MRPL13: variants seen among roughly 807,000 people sequenced by gnomAD.
The protein encoded by MRPL13 is mitochondrial ribosomal protein L13.
MRPL13 carries 33 observed loss-of-function variants against 29.0 expected under a neutral mutation model. The ratio of observed to expected loss-of-function variants is 1.14; its 90% CI spans 0.86 to 1.52. The LOEUF (loss-of-function observed/expected upper bound fraction) is 1.52. Ranked by LOEUF, MRPL13 falls within the 40% of genes most tolerant of loss-of-function variation. The pLI, the probability that MRPL13 is intolerant of heterozygous loss-of-function variation, is 0.00. For missense variants in MRPL13, 227 were observed against 216.7 expected (o/e 1.05, Z -0.30); for synonymous variants, 77 against 68.4 (o/e 1.13, Z -0.62).
intron 6 of MRPL13, among the ~76,000 whole-genome samples, chr8:120,405,462 G>A (rs899768053): frequency 6.6e-6 from 1 of 152,158 alleles, no homozygotes; most frequent in African/African-American, 2.4e-5. Context: ...TCACGATTTG[G>A]CAATCCTAAC....
chr8:120,404,230 A>C (rs1481159663), intron 6 of MRPL13, among the ~76,000 whole-genome samples: 1 of 152,220 alleles, frequency 6.6e-6, no homozygotes, highest in African/African-American at 2.4e-5. Flanking sequence ...AAGAAATCTA[A>C]GTTAATGCCC....
chr8:120,439,512 C>T (rs1813093058), intron 2 of MRPL13, among the ~76,000 whole-genome samples: 2 of 152,204 alleles, frequency 1.3e-5, no homozygotes, highest in South Asian at 4.1e-4. Context: ...AGGAACCTAA[C>T]TCCGTATTTC....
intron 6 of MRPL13, among the ~76,000 whole-genome samples, chr8:120,409,579 A>T (rs1186966671): frequency 6.6e-6 from 1 of 152,210 alleles, no homozygotes; most frequent in Non-Finnish European, 1.5e-5. Flanking sequence ...AAAAGAAAAA[A>T]AATCTAAGTA....
intron 3 of MRPL13, among the ~76,000 whole-genome samples, chr8:120,429,883 T>C (rs1586925854): frequency 6.6e-6 from 1 of 152,212 alleles, no homozygotes; most frequent in Non-Finnish European, 1.5e-5. Context: ...GTAAATGCTA[T>C]GTAAATAGTT....
intron 2 of MRPL13, among the ~76,000 whole-genome samples, chr8:120,436,236 A>C (rs2130483636): frequency 6.6e-6 from 1 of 152,244 alleles, no homozygotes; most frequent in African/African-American, 2.4e-5. Context: ...GCTCATGTTT[A>C]GTTTTAGAAG....
intron 6 of MRPL13, among the ~76,000 whole-genome samples, chr8:120,405,742 G>A (rs1812658957): frequency 6.6e-6 from 1 of 152,068 alleles, no homozygotes; most frequent in South Asian, 2.1e-4. Context: ...TTTAAAAGTT[G>A]GTAACCCATA....
chr8:120,420,203 GAAT>G (rs1812853777), intron 4 of MRPL13, among the ~76,000 whole-genome samples: 1 of 151,412 alleles, frequency 6.6e-6, no homozygotes, highest in South Asian at 2.1e-4. Context: ...ATTTTAGATA[GAAT>G]AATTATCATT....
At chr8:120,420,603 A>G (rs1183557944) in intron 4 of MRPL13, among the ~76,000 whole-genome samples, 1 of 151,346 alleles carries the variant, frequency 6.6e-6, no homozygotes, top group African/African-American at 2.4e-5. Context: ...GCTAGTGGCT[A>G]CCATGTTTGA....
chr8:120,427,397 A>G (rs1812941857), intron 3 of MRPL13, among the ~76,000 whole-genome samples: 1 of 152,168 alleles, frequency 6.6e-6, no homozygotes, highest in Non-Finnish European at 1.5e-5. Flanking sequence ...ATATCAAAAC[A>G]CATTACACTT....
At position 120,445,083 on chromosome 8, in the gene MRPL13, G is replaced by A. The variant is rs775560736; in HGVS notation, c.12C>T (p.Phe4=). 5.0e-6 allele frequency: 8 copies of A among 1,613,832 alleles called. No homozygotes were observed. The East Asian group carries it at 1.3e-4, about 27-fold the overall frequency. ...CCGAGCTCACCTGGGGCGCCCTAGA[G>A]AAACTCGACATATTCCTCTACTAGC... MSS[F]SRAPQQWATF... is the part of the protein sequence containing the mutation. The change falls in exon 1 of 7, where the codon TTC becomes TTT. Residue 4 remains phenylalanine, a synonymous_variant. Transcript: ENST00000306185.
intron 5 of MRPL13, among the ~76,000 whole-genome samples, chr8:120,418,176 TTTCAC>T (rs1812827123): frequency 6.6e-6 from 1 of 151,920 alleles, no homozygotes; most frequent in Admixed American, 6.6e-5. Context: ...CCTTGTTTGT[TTTCAC>T]TTAACAATAT....
chr8:120,398,462 A>G (rs1306437864), intron 6 of MRPL13, among the ~76,000 whole-genome samples: 1 of 152,204 alleles, frequency 6.6e-6, no homozygotes, highest in African/African-American at 2.4e-5. Context: ...CAACAACAAC[A>G]TCAACAAAAA....
At chr8:120,396,455 A>AATCTTTTAAGTAATCTTAAAG (rs1812525756) in intron 6 of MRPL13, among the ~76,000 whole-genome samples, 1 of 152,198 alleles carries the variant, frequency 6.6e-6, no homozygotes, top group African/African-American at 2.4e-5. Context: ...AAAGATTACT[A>AATCTTTTAAGTAATCTTAAAG]TAATCTTTAA....
At chr8:120,434,160 T>C (rs1170295466) in intron 2 of MRPL13, among the ~76,000 whole-genome samples, 3 of 152,094 alleles carry the variant, frequency 2.0e-5, no homozygotes. Context: ...TCAGATAGGT[T>C]ACACCATCAG....
chr8:120,402,116 C>T (rs1241145773), intron 6 of MRPL13, among the ~76,000 whole-genome samples: 2 of 152,162 alleles, frequency 1.3e-5, no homozygotes, highest in Non-Finnish European at 2.9e-5. Context: ...CATTAAGCTA[C>T]CATTGACATT....
chr8:120,443,617 C>CTT (rs80023422), intron 1 of MRPL13, among the ~76,000 whole-genome samples: 5 of 137,196 alleles, frequency 3.6e-5, no homozygotes, highest in African/African-American at 7.9e-5. Flanking sequence ...TACGGTATGA[C>CTT]TTTTTTTTTT....
Position 120,443,291 on chromosome 8 carries a change from A to G in MRPL13, c.45T>C (p.Ala15=). The part of the protein sequence containing the change: ...SRAPQQWATF[A]RIWYLLDGKM... ...TCCCATCTAAGAGATACCATATTCT[A>G]GCAAAAGTGGCCCATTGCTTGGGGG... is the stretch of plus-strand genomic sequence containing the variant. The change falls in exon 2 of 7, where the codon GCT becomes GCC. Residue 15 remains alanine (A), a synonymous_variant. Coordinates refer to ENST00000306185, the MANE Select transcript of MRPL13 (RefSeq NM_014078.6). 6.3e-7 allele frequency: 1 copy of G among 1,588,188 alleles called. No individual in the cohort carries two copies. The highest frequency in any genetic ancestry group is 1.2e-5 in the South Asian group (1 of 85,578).
chr8:120,432,042 G>T lies in MRPL13; in HGVS notation c.233C>A (p.Ser78Tyr). The T allele has an allele frequency of 6.2e-7, 1 of 1,601,576 alleles. No individual in the cohort carries two copies. Residue 78 changes from serine to tyrosine, a missense_variant, in exon 3 of 7, where the codon TCT becomes TAT. Coordinates refer to ENST00000306185, the MANE Select transcript of MRPL13 (RefSeq NM_014078.6). ...SGNKWEQKVYSSHTGYPGGFR... is the reference protein window; with the variant it reads ...SGNKWEQKVYYSHTGYPGGFR... ...AGCATTATCTTACCCAGTATGCGAA[G>T]AGTATACTTTTTGTTCCCATTTGTT...
intron 6 of MRPL13, among the ~76,000 whole-genome samples, chr8:120,404,966 T>C (rs1263290486): frequency 6.6e-6 from 1 of 152,196 alleles, no homozygotes; most frequent in African/African-American, 2.4e-5. Flanking sequence ...ACACAGTGGA[T>C]GCCTAGTATA....
Sources: gnomAD v4.1 joint callset for allele counts (sites outside exome capture counted in the v4.1 genomes callset) on GRCh38, gnomAD v4.1.1 for gene constraint, MANE v1.5 for transcripts, NCBI Gene and HGNC (gene_info 2026-07-23, HGNC 2026-07-21) for gene names.